Variants in EEA1 observed in about 807,000 individuals in gnomAD.
EEA1 encodes the protein early endosome antigen 1, 162kD.
In EEA1, 111 loss-of-function variants were observed where a neutral mutation model predicts 209.2. The ratio of observed to expected loss-of-function variants is 0.53; its 90% confidence interval spans 0.45 to 0.62. The LOEUF is 0.62. Among genes scored for constraint, EEA1 ranks in the 20% least tolerant of loss-of-function variants. The pLI is 0.00. For synonymous variants in EEA1, 536 were observed against 540.6 expected (o/e 0.99, Z 0.12); for missense variants, 1,343 against 1,530.8 (o/e 0.88, Z 2.05).
intron 1 of EEA1, among the ~76,000 whole-genome samples, chr12:92,892,578 G>A (rs1879696019): frequency 7.7e-6 from 1 of 130,080 alleles, no homozygotes; most frequent in Non-Finnish European, 1.8e-5. Context: ...TGAAACAAGA[G>A]TCTTGCTCTG....
intron 1 of EEA1, among the ~76,000 whole-genome samples, chr12:92,907,387 T>C (rs995373409): frequency 6.6e-6 from 1 of 152,242 alleles, no homozygotes. Flanking sequence ...TTCACCCATC[T>C]ACATTCTCCA....
chr12:92,867,062 CCAGAGGAATCTTTCTAAAA>C (rs142451103), intron 2 of EEA1, among the ~76,000 whole-genome samples: 12,262 of 152,168 alleles, frequency 0.081, 585 homozygotes, highest in Non-Finnish European at 0.098. Context: ...CACAGAGCTG[CCAGAGGAATCTTTCTAAAA>C]CAGATTCTTC....
At chr12:92,809,860 TA>T (rs1018177183) in intron 17 of EEA1, among the ~76,000 whole-genome samples, 15 of 152,318 alleles carry the variant, frequency 9.8e-5, no homozygotes, top group Admixed American at 2.6e-4. Context: ...TAGTCACAGT[TA>T]AAAACACTGA....
At chr12:92,801,268 G>T (rs1029670409) in intron 20 of EEA1, among the ~76,000 whole-genome samples, 2 of 151,238 alleles carry the variant, frequency 1.3e-5, no homozygotes, top group Non-Finnish European at 2.9e-5. Flanking sequence ...CCATAAAAAT[G>T]GTCCTTAACC....
intron 5 of EEA1, among the ~76,000 whole-genome samples, chr12:92,855,298 G>A (rs1877822728): frequency 6.6e-6 from 1 of 152,230 alleles, no homozygotes; most frequent in African/African-American, 2.4e-5. Context: ...CCTGATGGCG[G>A]ACGTGCCTGT....
chr12:92,922,310 A>G (rs1881039893), intron 1 of EEA1, among the ~76,000 whole-genome samples: 1 of 152,114 alleles, frequency 6.6e-6, no homozygotes, highest in African/African-American at 2.4e-5. Flanking sequence ...CAAACTACTC[A>G]CAAGTCAACA....
Position 92,916,222 on chromosome 12 carries a change from G to C in EEA1, c.24+12821C>G, listed in dbSNP as rs547794974. Among the ~76,000 whole-genome samples, 57 of 152,128 alleles carry C rather than the reference G, an allele frequency of 3.7e-4. 1 individual carries two copies. Among genetic ancestry groups the C allele is most frequent in the Non-Finnish European group, 7.6e-4 (52 of 68,018 alleles). On this transcript the variant is annotated intron_variant, in intron 1 of 28. Coordinates refer to ENST00000322349, the MANE Select transcript of EEA1 (RefSeq NM_003566.4). ...AAACATACCAAAATAAGGGTTAACAGTCTGCTTTAAAGAAGAAGCCACTTT... is the reference window on the plus strand; with the variant it reads ...AAACATACCAAAATAAGGGTTAACACTCTGCTTTAAAGAAGAAGCCACTTT...
At position 92,851,241 on chromosome 12, in the gene EEA1, A is replaced by G. The variant is rs751017641; in HGVS notation, c.668T>C (p.Val223Ala). Residue 223 changes from valine to alanine, a missense_variant, in exon 9 of 29, where the codon GTT becomes GCT. Val to Ala is a moderately conservative substitution (Grantham distance 64). Transcript: ENST00000322349. The part of the protein sequence containing the change: ...ELLQRPGIED[V>A]AVLKKELVQV... ...GACCAGTTCTTTCTTTAGCACGGCA[A>G]CATCTTCTATACCAGGTCTCTGAAG... 1 of 1,613,454 alleles carries G rather than the reference A, an allele frequency of 6.2e-7. No homozygotes were observed. Among genetic ancestry groups the G allele is most frequent in the Non-Finnish European group, 8.5e-7 (1 of 1,179,786 alleles).
At chr12:92,840,996 G>A (rs1877141564) in intron 10 of EEA1, among the ~76,000 whole-genome samples, 1 of 152,230 alleles carries the variant, frequency 6.6e-6, no homozygotes, top group South Asian at 2.1e-4. Flanking sequence ...GTGGGACACA[G>A]TGAGAAGGCA....
At chr12:92,853,829 C>A (rs960003136) in intron 6 of EEA1, 86 bp downstream of exon 6, 20 of 1,214,382 alleles carry the variant, frequency 1.6e-5, no homozygotes, top group Non-Finnish European at 1.7e-5. Flanking sequence ...AAACAAAATT[C>A]ATTTGGCAGG....
chr12:92,830,489 T>C (rs956076676), intron 11 of EEA1, among the ~76,000 whole-genome samples: 1 of 151,980 alleles, frequency 6.6e-6, no homozygotes, highest in Non-Finnish European at 1.5e-5. Context: ...CACATTGCTA[T>C]AAGGAGCATG....
chr12:92,807,719 A>T lies in EEA1; in HGVS notation c.2339+1298T>A, dbSNP rs529253461. On this transcript the variant is annotated intron_variant, in intron 18 of 28. Coordinates refer to ENST00000322349, the MANE Select transcript of EEA1 (RefSeq NM_003566.4). ...TATTCAGGAATAAATTTAACAAAAG[A>T]TGTACAAGATGTCTATGTTAAAAAC... 2.6e-5 allele frequency among the ~76,000 whole-genome samples: 4 copies of T among 152,290 alleles called. No homozygotes were observed. The South Asian group carries it at 6.2e-4, about 24-fold the overall frequency.
At chr12:92,811,867 A>AT (rs1565818260) in intron 16 of EEA1, among the ~76,000 whole-genome samples, 3 of 152,074 alleles carry the variant, frequency 2.0e-5, no homozygotes, top group Non-Finnish European at 2.9e-5. Flanking sequence ...CACAAAAAAA[A>AT]AAAAATAAAA....
At chr12:92,794,048 C>A (rs930950347) in intron 21 of EEA1, among the ~76,000 whole-genome samples, 7 of 152,120 alleles carry the variant, frequency 4.6e-5, no homozygotes, top group Non-Finnish European at 8.8e-5. Context: ...AAACAAACAA[C>A]CCCATCAAAA....
intron 22 of EEA1, among the ~76,000 whole-genome samples, chr12:92,786,960 C>A (rs1294872590): frequency 6.6e-6 from 1 of 152,152 alleles, no homozygotes; most frequent in Non-Finnish European, 1.5e-5. Flanking sequence ...CTCACTATGG[C>A]ACCTTTTCTC....
chr12:92,919,147 A>G (rs1592778835), intron 1 of EEA1, among the ~76,000 whole-genome samples: 1 of 151,732 alleles, frequency 6.6e-6, no homozygotes, highest in East Asian at 1.9e-4. Flanking sequence ...ATGGATTCAC[A>G]GCCAAATTCT....
At chr12:92,778,213 T>G (rs1873746894) in intron 25 of EEA1, 34 bp from the exon 26 acceptor site, 1 of 1,541,952 alleles carries the variant, frequency 6.5e-7, no homozygotes, top group Non-Finnish European at 8.9e-7. Context: ...GGAAATCTAT[T>G]ACAAAAGTAG....
At position 92,889,582 on chromosome 12, in the gene EEA1, G is replaced by A. The variant is rs1592760325; in HGVS notation, c.117+2047C>T. On this transcript the variant is annotated intron_variant, in intron 2 of 28. Coordinates refer to ENST00000322349, the MANE Select transcript of EEA1 (RefSeq NM_003566.4). ...AAAAAACCCCCACCTAAAACAAAAG[G>A]AACAAGAAAATACGAAAATGAAAAG... 3.4e-5 allele frequency among the ~76,000 whole-genome samples: 5 copies of A among 148,854 alleles called. 1 individual carries two copies. Among genetic ancestry groups the A allele is most frequent in the Admixed American group, 3.3e-4 (5 of 15,006 alleles).
At chr12:92,923,431 C>T (rs1229242984) in intron 1 of EEA1, among the ~76,000 whole-genome samples, 1 of 152,200 alleles carries the variant, frequency 6.6e-6, no homozygotes, top group Non-Finnish European at 1.5e-5. Context: ...TTGCAAACAT[C>T]CCATCCACAT....
Sources: gnomAD v4.1 joint callset for allele counts (sites outside exome capture counted in the v4.1 genomes callset) on GRCh38, gnomAD v4.1.1 for gene constraint, MANE v1.5 for transcripts, NCBI Gene and HGNC (gene_info 2026-07-23, HGNC 2026-07-21) for gene names.